PABPC4L: variants seen among roughly 807,000 people sequenced by gnomAD.
PABPC4L encodes poly(A) binding protein cytoplasmic 4 like, also known as polyadenylate-binding protein 4-like.
For missense variants in PABPC4L, 452 were observed against 451.4 expected (o/e 1.00, Z -0.01); for synonymous variants, 169 against 164.1 (o/e 1.03, Z -0.23).
chr4:133,969,687 A>T, the PABPC4L span, among the ~76,000 whole-genome samples: 1 of 152,214 alleles, frequency 6.6e-6, no homozygotes, highest in Non-Finnish European at 1.5e-5. Context: ...ATTCTGCCAA[A>T]AGGGAAGGGT....
chr4:134,098,304 A>G, the PABPC4L span, among the ~76,000 whole-genome samples: 1 of 151,802 alleles, frequency 6.6e-6, no homozygotes, highest in Non-Finnish European at 1.5e-5. Flanking sequence ...TATGATTTGC[A>G]GATTTACAAA....
At chr4:133,986,910 A>C in the PABPC4L span, among the ~76,000 whole-genome samples, 1 of 151,866 alleles carries the variant, frequency 6.6e-6, no homozygotes, top group Admixed American at 6.6e-5. Context: ...TAATTTTTGC[A>C]TTTTTAGTAG....
chr4:134,003,281 C>T, the PABPC4L span, among the ~76,000 whole-genome samples: 4 of 151,926 alleles, frequency 2.6e-5, no homozygotes. Flanking sequence ...ATTAGAAACA[C>T]TTACATTTTT....
the PABPC4L span, among the ~76,000 whole-genome samples, chr4:134,057,322 C>A: frequency 1.3e-5 from 2 of 151,736 alleles, no homozygotes; most frequent in Non-Finnish European, 2.9e-5. Flanking sequence ...TTATTTTTTT[C>A]TCTGTCTTTT....
At chr4:134,097,060 T>C in the PABPC4L span, among the ~76,000 whole-genome samples, 1 of 151,976 alleles carries the variant, frequency 6.6e-6, no homozygotes, top group Non-Finnish European at 1.5e-5. Flanking sequence ...GTAATTGTTT[T>C]ATTACTTTTG....
At chr4:133,986,592 A>G in the PABPC4L span, among the ~76,000 whole-genome samples, 1 of 152,178 alleles carries the variant, frequency 6.6e-6, no homozygotes, top group African/African-American at 2.4e-5. Context: ...TGATTTGCAA[A>G]ACCTCAACAT....
the PABPC4L span, among the ~76,000 whole-genome samples, chr4:134,093,649 T>C: frequency 6.6e-6 from 1 of 150,634 alleles, no homozygotes; most frequent in Admixed American, 6.6e-5. Flanking sequence ...TTTCTAATCA[T>C]GTATGAGACC....
chr4:134,016,014 C>T, the PABPC4L span, among the ~76,000 whole-genome samples: 1 of 152,148 alleles, frequency 6.6e-6, no homozygotes, highest in South Asian at 2.1e-4. Flanking sequence ...ACCTGACCCT[C>T]ATGACTGCAT....
chr4:134,126,982 C>T, the PABPC4L span, among the ~76,000 whole-genome samples: 2 of 152,032 alleles, frequency 1.3e-5, no homozygotes, highest in African/African-American at 4.8e-5. Context: ...GCCGTATGGG[C>T]GCAGGGTGAG....
chr4:134,114,995 CT>C, the PABPC4L span, among the ~76,000 whole-genome samples: 4 of 151,798 alleles, frequency 2.6e-5, no homozygotes, highest in Non-Finnish European at 5.9e-5. Flanking sequence ...ATTAGAGCTC[CT>C]TTCCATTATA....
the PABPC4L span, among the ~76,000 whole-genome samples, chr4:134,147,749 G>GT: frequency 0.015 from 2,308 of 148,958 alleles, 41 homozygotes; most frequent in Middle Eastern, 0.041. Context: ...GTGTGTGTGT[G>GT]TGTTGTTGTT....
the PABPC4L span, among the ~76,000 whole-genome samples, chr4:134,006,610 G>A: frequency 6.6e-6 from 1 of 151,870 alleles, no homozygotes; most frequent in Non-Finnish European, 1.5e-5. Flanking sequence ...TCTCATTATG[G>A]GTAGGCTTAG....
chr4:134,165,908 A>T, the PABPC4L span, among the ~76,000 whole-genome samples: 1 of 152,180 alleles, frequency 6.6e-6, no homozygotes, highest in African/African-American at 2.4e-5. Context: ...TGAGTGGATT[A>T]AAAAAATGTG....
At chr4:134,019,818 ATT>A in the PABPC4L span, among the ~76,000 whole-genome samples, 352 of 152,186 alleles carry the variant, frequency 2.3e-3, 2 homozygotes, top group African/African-American at 8.2e-3. Flanking sequence ...GTCATTAGTC[ATT>A]TACAACCCAA....
the PABPC4L span, among the ~76,000 whole-genome samples, chr4:134,104,228 C>T: frequency 6.6e-6 from 1 of 151,716 alleles, no homozygotes; most frequent in Admixed American, 6.6e-5. Context: ...GCCTTCTCAA[C>T]AGAACTTTCT....
chr4:134,155,990 G>A, the PABPC4L span, among the ~76,000 whole-genome samples: 9 of 151,884 alleles, frequency 5.9e-5, no homozygotes, highest in African/African-American at 1.9e-4. Flanking sequence ...TATTGCTCAC[G>A]TTTGCATATT....
chr4:134,180,306 A>G, the PABPC4L span, among the ~76,000 whole-genome samples: 1 of 152,116 alleles, frequency 6.6e-6, no homozygotes. Flanking sequence ...AAATAATGAA[A>G]TAAAGGCAGA....
the PABPC4L span, among the ~76,000 whole-genome samples, chr4:134,125,964 T>C: frequency 2.0e-3 from 303 of 152,232 alleles, 1 homozygote; most frequent in Non-Finnish European, 3.4e-3. Context: ...CAGGGTGTGG[T>C]GCCTTGGGGA....
chr4:134,026,197 G>A, the PABPC4L span, among the ~76,000 whole-genome samples: 1 of 151,682 alleles, frequency 6.6e-6, no homozygotes, highest in African/African-American at 2.4e-5. Flanking sequence ...GTTAATACAA[G>A]AATAGCTGAA....
Sources: allele counts gnomAD v4.1 joint callset (sites outside exome capture counted in the v4.1 genomes callset), GRCh38; gene constraint gnomAD v4.1.1; transcripts MANE v1.5; gene names NCBI Gene and HGNC (gene_info 2026-07-23, HGNC 2026-07-21).